Variants in COA1 observed in about 807,000 individuals in gnomAD.
COA1 encodes cytochrome c oxidase assembly factor 1, also known as cytochrome c oxidase assembly factor 1 homolog.
COA1 carries 13 observed loss-of-function variants against 16.0 expected under a neutral mutation model. That is an observed-to-expected ratio of 0.81 (90% CI 0.53 to 1.29). The LOEUF (loss-of-function observed/expected upper bound fraction) is 1.29, where lower values mean the gene tolerates loss of function less well. Ranked by LOEUF, COA1 falls within the 50% of genes most tolerant of loss-of-function variation. The pLI is 0.00. For missense variants in COA1, 179 were observed against 177.0 expected, an observed-to-expected ratio of 1.01 and a Z score of -0.06; for synonymous variants, 65 against 65.7, an observed-to-expected ratio of 0.99 and a Z score of 0.05.
intron 1 of COA1, among the ~76,000 whole-genome samples, chr7:43,699,336 G>A (rs2094630308): frequency 6.6e-6 from 1 of 152,062 alleles, no homozygotes. Flanking sequence ...TGTAACCAAG[G>A]TAGTTATTAT....
intron 1 of COA1, among the ~76,000 whole-genome samples, chr7:43,709,086 C>T (rs1267214587): frequency 1.3e-5 from 2 of 150,994 alleles, no homozygotes; most frequent in Non-Finnish European, 2.9e-5. Flanking sequence ...TGCAGTGGCA[C>T]GATCTCAGCT....
At chr7:43,618,650 A>G (rs1268823617) in intron 6 of COA1, among the ~76,000 whole-genome samples, 1 of 152,136 alleles carries the variant, frequency 6.6e-6, no homozygotes, top group African/African-American at 2.4e-5. Flanking sequence ...AATTTAATGA[A>G]TTTTACATTC....
intron 1 of COA1, among the ~76,000 whole-genome samples, chr7:43,695,805 G>A (rs185587970): frequency 6.6e-6 from 1 of 152,318 alleles, no homozygotes; most frequent in Admixed American, 6.5e-5. Context: ...GGCAATACTA[G>A]TAAAACTGAA....
intron 1 of COA1, among the ~76,000 whole-genome samples, chr7:43,673,657 G>T (rs1242663662): frequency 6.6e-6 from 1 of 152,098 alleles, no homozygotes; most frequent in Non-Finnish European, 1.5e-5. Context: ...ATACCCAAAG[G>T]TATAAAAATT....
intron 2 of COA1, 96 bp downstream of exon 2, chr7:43,648,504 C>T: frequency 7.8e-7 from 1 of 1,281,838 alleles, no homozygotes; most frequent in Non-Finnish European, 1.1e-6. Context: ...CAGGAGAAGC[C>T]CATAACTATT....
intron 1 of COA1, among the ~76,000 whole-genome samples, chr7:43,721,897 G>C (rs917841415): frequency 2.2e-5 from 3 of 133,758 alleles, no homozygotes; most frequent in South Asian, 2.9e-4. Context: ...TAGCTCAAAG[G>C]CTTGAAGCCC....
chr7:43,709,456 G>T (rs2095135298), intron 1 of COA1, among the ~76,000 whole-genome samples: 1 of 151,908 alleles, frequency 6.6e-6, no homozygotes, highest in South Asian at 2.1e-4. Flanking sequence ...GTGTGTGTGT[G>T]TGTGTGTGTG....
chr7:43,694,290 T>C (rs1209839465), intron 1 of COA1, among the ~76,000 whole-genome samples: 1 of 151,110 alleles, frequency 6.6e-6, no homozygotes, highest in South Asian at 2.1e-4. Context: ...TAATCCCATA[T>C]CTTCCTTCAG....
chr7:43,712,974 GAC>G (rs2095296767), intron 1 of COA1, among the ~76,000 whole-genome samples: 1 of 151,946 alleles, frequency 6.6e-6, no homozygotes, highest in Non-Finnish European at 1.5e-5. Flanking sequence ...TGCTATTTGA[GAC>G]AGAGTCTCGT....
At chr7:43,637,526 G>GTAGT (rs1452145160), downstream of COA1, among the ~76,000 whole-genome samples, 5 of 152,166 alleles carry the variant, frequency 3.3e-5, no homozygotes, top group African/African-American at 9.7e-5. Context: ...CATCATTAAG[G>GTAGT]TAGTTAGTGG....
rs749400528 is a variant in COA1 at position 43,623,860 on chromosome 7, A to C, written c.*134-14365T>G. 2.5e-6 allele frequency: 4 copies of C among 1,581,620 alleles called. No homozygotes were observed. The African/African-American group carries it at 5.4e-5, about 21-fold the overall frequency. On this transcript the variant is annotated intron_variant and NMD_transcript_variant, in intron 6 of 6. Coordinates refer to the COA1 transcript ENST00000415076. ...TTTGTCTGAGTCGGCTGTTGATTTC[A>C]TCAGGACACTTTTAGTTAAGAAACC...
chr7:43,664,103 A>AGAGAGAGAGAG (rs2092695982), intron 1 of COA1, among the ~76,000 whole-genome samples: 13 of 135,232 alleles, frequency 9.6e-5, no homozygotes, highest in East Asian at 2.1e-4. Context: ...TGTCTTTAGA[A>AGAGAGAGAGAG]AGAGAGAGAG....
intron 1 of COA1, among the ~76,000 whole-genome samples, chr7:43,721,027 T>C (rs2095496647): frequency 6.6e-6 from 1 of 152,198 alleles, no homozygotes; most frequent in Admixed American, 6.5e-5. Flanking sequence ...CTACATGTGA[T>C]AGAGAAGGCT....
At chr7:43,638,576 T>C (rs1236290545), downstream of COA1, among the ~76,000 whole-genome samples, 6 of 134,648 alleles carry the variant, frequency 4.5e-5, no homozygotes, top group African/African-American at 1.3e-4. Context: ...CTTTTTTTTT[T>C]TTTTTTTTTT....
intron 1 of COA1, among the ~76,000 whole-genome samples, chr7:43,714,833 T>C (rs2095350436): frequency 6.6e-6 from 1 of 150,802 alleles, no homozygotes; most frequent in Non-Finnish European, 1.5e-5. Flanking sequence ...CATGGTGAAA[T>C]CTCGTCTACT....
chr7:43,728,629 T>C (rs922903796), intron 1 of COA1, among the ~76,000 whole-genome samples: 15 of 152,180 alleles, frequency 9.9e-5, no homozygotes, highest in African/African-American at 3.4e-4. Flanking sequence ...CTAAGAAATG[T>C]GTATTATCCT....
intron 1 of COA1, among the ~76,000 whole-genome samples, chr7:43,652,241 A>G (rs981415294): frequency 1.3e-5 from 2 of 152,198 alleles, no homozygotes; most frequent in African/African-American, 4.8e-5. Context: ...CAGCAGACCT[A>G]TTAACACCCA....
At chr7:43,692,490 CCTAGG>C (rs2094405167) in intron 1 of COA1, among the ~76,000 whole-genome samples, 1 of 152,006 alleles carries the variant, frequency 6.6e-6, no homozygotes, top group Non-Finnish European at 1.5e-5. Flanking sequence ...TGCACTACAG[CCTAGG>C]CAACACAGCA....
chr7:43,705,629 T>A (rs1307389819), intron 1 of COA1, among the ~76,000 whole-genome samples: 1 of 152,182 alleles, frequency 6.6e-6, no homozygotes, highest in African/African-American at 2.4e-5. Context: ...AGGCTAGAGC[T>A]GCCTAGAGGA....
Sources: allele counts gnomAD v4.1 joint callset (sites outside exome capture counted in the v4.1 genomes callset), GRCh38; gene constraint gnomAD v4.1.1; transcripts MANE v1.5; gene names NCBI Gene and HGNC (gene_info 2026-07-23, HGNC 2026-07-21).